Variants in SOHLH2 observed in about 807,000 individuals in gnomAD.
SOHLH2 encodes the protein spermatogenesis- and oogenesis-specific basic helix-loop-helix-containing protein 2.
In SOHLH2, 22 loss-of-function variants were observed where a neutral mutation model predicts 50.4. That is an observed-to-expected ratio of 0.44 (90% CI 0.31 to 0.62). The LOEUF is 0.62. SOHLH2 is among the 20% of genes least tolerant of loss of function. The pLI is 0.08. For synonymous variants in SOHLH2, 185 were observed against 187.3 expected, an observed-to-expected ratio of 0.99 and a Z score of 0.10; for missense variants, 412 against 504.4, an observed-to-expected ratio of 0.82 and a Z score of 1.76.
At chr13:36,207,124 G>C (rs140654023) in intron 1 of SOHLH2, among the ~76,000 whole-genome samples, 1 of 151,712 alleles carries the variant, frequency 6.6e-6, no homozygotes, top group Admixed American at 6.6e-5. Flanking sequence ...GTTTTTACAA[G>C]CTGATCTTTC....
chr13:36,194,554 T>C (rs2138303863), intron 2 of SOHLH2, among the ~76,000 whole-genome samples: 1 of 152,330 alleles, frequency 6.6e-6, no homozygotes. Flanking sequence ...CCGCTGAGGC[T>C]ACATTATGGG....
chr13:36,183,731 GA>G (rs1445241853), intron 6 of SOHLH2, among the ~76,000 whole-genome samples: 2 of 152,026 alleles, frequency 1.3e-5, no homozygotes, highest in African/African-American at 2.4e-5. Context: ...ATACAGGTTA[GA>G]AAAAAACCAT....
At chr13:36,209,105 G>C (rs544187223) in intron 1 of SOHLH2, among the ~76,000 whole-genome samples, 10 of 152,154 alleles carry the variant, frequency 6.6e-5, no homozygotes, top group African/African-American at 2.4e-4. Flanking sequence ...AAGAGATGCT[G>C]GATGTCTTAA....
In SOHLH2 at chr13:36,169,069, GA is replaced by G. The variant is rs748271252; in HGVS notation, c.1258-16del. 18 of 1,603,576 alleles carry G rather than the reference GA, an allele frequency of 1.1e-5. No homozygotes were observed. The highest frequency in any genetic ancestry group is 1.4e-5 in the Non-Finnish European group (17 of 1,176,656). ...CAAAACTGTTGCTGCAAAGAAGGGG[GA>G]AAAACCCACATTAATTGAATCCTCA... On this transcript the variant is annotated splice_polypyrimidine_tract_variant and intron_variant, in intron 10 of 10. Coordinates refer to ENST00000379881, the MANE Select transcript of SOHLH2 (RefSeq NM_017826.3).
chr13:36,175,479 G>C (rs1887074323), intron 6 of SOHLH2, among the ~76,000 whole-genome samples: 2 of 152,230 alleles, frequency 1.3e-5, no homozygotes, highest in South Asian at 2.1e-4. Flanking sequence ...GTATCAGAAA[G>C]AAACTAACCT....
At position 36,170,576 on chromosome 13, in the gene SOHLH2, G is replaced by C. The variant is rs550456759; in HGVS notation, c.1212C>G (p.Cys404Trp). 1.2e-6 allele frequency: 2 copies of C among 1,614,176 alleles called. No individual in the cohort carries two copies. The highest frequency in any genetic ancestry group is 1.7e-6 in the Non-Finnish European group (2 of 1,180,012). ...PPVSKLLPRH[C>W]TSGLGQTCTT... ...TGCACGTCTGGCCCAACCCAGAAGT[G>C]CAGTGCCGAGGGAGAAGCTTTGAGA... The change falls in exon 10 of 11, where the codon TGC (cysteine) becomes TGG (tryptophan). Residue 404 changes from cysteine to tryptophan, a missense_variant. By Grantham distance (215) the Cys-to-Trp change is radical (BLOSUM62 -2). Coordinates refer to ENST00000379881, the MANE Select transcript of SOHLH2 (RefSeq NM_017826.3).
intron 1 of SOHLH2, among the ~76,000 whole-genome samples, chr13:36,208,945 C>G (rs1868942846): frequency 6.6e-6 from 1 of 152,138 alleles, no homozygotes; most frequent in African/African-American, 2.4e-5. Context: ...CTTTTCTCCT[C>G]TTTTTCCTCT....
chr13:36,189,415 C>T (rs1225391012), intron 6 of SOHLH2, among the ~76,000 whole-genome samples: 1 of 152,138 alleles, frequency 6.6e-6, no homozygotes, highest in Non-Finnish European at 1.5e-5. Flanking sequence ...ACCATATGGA[C>T]ATACATGCAG....
At chr13:36,173,600 C>T (rs1887020086) in intron 9 of SOHLH2, 92 bp downstream of exon 9, 2 of 1,471,484 alleles carry the variant, frequency 1.4e-6, no homozygotes, top group African/African-American at 2.8e-5. Context: ...TCCTGGATTC[C>T]CTGGTTATGG....
At chr13:36,207,537 T>C (rs1868849465) in intron 1 of SOHLH2, among the ~76,000 whole-genome samples, 1 of 152,178 alleles carries the variant, frequency 6.6e-6, no homozygotes, top group South Asian at 2.1e-4. Flanking sequence ...ACAATCATAG[T>C]ATGTTTATCA....
At chr13:36,202,307 G>C (rs1270190583) in intron 1 of SOHLH2, among the ~76,000 whole-genome samples, 1 of 152,158 alleles carries the variant, frequency 6.6e-6, no homozygotes, top group Admixed American at 6.5e-5. Flanking sequence ...TAGATCTGAA[G>C]GTCACCCTGT....
At chr13:36,213,367 C>T (rs974588464) in intron 1 of SOHLH2, among the ~76,000 whole-genome samples, 5 of 152,118 alleles carry the variant, frequency 3.3e-5, no homozygotes, top group African/African-American at 1.2e-4. Context: ...TAAACGGGTC[C>T]ACTTCAAAGT....
chr13:36,210,632 TGG>T (rs1869062596), intron 1 of SOHLH2, among the ~76,000 whole-genome samples: 1 of 152,152 alleles, frequency 6.6e-6, no homozygotes, highest in African/African-American at 2.4e-5. Context: ...TTGGGGTAGA[TGG>T]GGAGGTTGAC....
chr13:36,179,225 A>G (rs540304915), intron 6 of SOHLH2, among the ~76,000 whole-genome samples: 3 of 151,636 alleles, frequency 2.0e-5, no homozygotes, highest in Admixed American at 2.0e-4. Flanking sequence ...CACTAAGTAC[A>G]ATGTTAGTTA....
At chr13:36,183,508 A>G (rs1234197370) in intron 6 of SOHLH2, among the ~76,000 whole-genome samples, 1 of 152,176 alleles carries the variant, frequency 6.6e-6, no homozygotes. Context: ...ATACCTGATA[A>G]ATCCAAAGGA....
At chr13:36,179,373 T>C (rs1285720675) in intron 6 of SOHLH2, among the ~76,000 whole-genome samples, 1 of 152,170 alleles carries the variant, frequency 6.6e-6, no homozygotes, top group African/African-American at 2.4e-5. Flanking sequence ...AATCACATGG[T>C]TTTTCTCCTT....
At chr13:36,190,526 T>A (rs2138296517) in intron 5 of SOHLH2, among the ~76,000 whole-genome samples, 1 of 152,298 alleles carries the variant, frequency 6.6e-6, no homozygotes, top group Admixed American at 6.5e-5. Flanking sequence ...CTCTACTATT[T>A]TTGCAGAACT....
chr13:36,170,271 T>A (rs1354958944), intron 10 of SOHLH2, among the ~76,000 whole-genome samples: 2 of 152,144 alleles, frequency 1.3e-5, no homozygotes, highest in African/African-American at 4.8e-5. Flanking sequence ...GGAGATCAGA[T>A]TCCACCTGGT....
rs979315230 is a variant in SOHLH2, at chr13:36,190,034, T to C, written c.553A>G (p.Asn185Asp). The C allele has an allele frequency of 6.2e-7, 1 of 1,606,610 alleles. No homozygotes were observed. Among genetic ancestry groups the C allele is most frequent in the African/African-American group, 1.3e-5 (1 of 74,894 alleles). Reference protein sequence around the residue: ...FACSESLRNGNGLELNASLSE... With the variant: ...FACSESLRNGDGLELNASLSE... ...AACGAAGCATTTAATTCAAGCCCATTGCCATTCCTTAAAGATTCAGAGCTA... is the reference window on the plus strand; with the variant it reads ...AACGAAGCATTTAATTCAAGCCCATCGCCATTCCTTAAAGATTCAGAGCTA... The change falls in exon 6 of 11, where the codon AAT (asparagine) becomes GAT (aspartate). Residue 185 changes from asparagine (N) to aspartate (D), a missense_variant. By Grantham distance (23) the Asn-to-Asp change is conservative. Transcript: ENST00000379881.
Sources: gnomAD v4.1 joint callset for allele counts (sites outside exome capture counted in the v4.1 genomes callset) on GRCh38, gnomAD v4.1.1 for gene constraint, MANE v1.5 for transcripts, NCBI Gene and HGNC (gene_info 2026-07-23, HGNC 2026-07-21) for gene names.